The following MORC1 variants were observed in gnomAD, a reference collection of about 807,000 sequenced individuals.
The protein encoded by MORC1 is MORC family CW-type zinc finger protein 1.
MORC1 carries 59 observed loss-of-function variants against 134.9 expected under a neutral mutation model. That is an observed-to-expected ratio of 0.44 (90% CI 0.35 to 0.54). The LOEUF is 0.54. MORC1 is among the 20% of genes least tolerant of loss of function. The pLI is 0.00. For missense variants in MORC1, 947 were observed against 1,134.5 expected (o/e 0.83, Z 2.37); for synonymous variants, 395 against 391.7 (o/e 1.01, Z -0.10).
intron 4 of MORC1, chr3:109,101,488 G>A (rs1160857241): frequency 6.6e-6 from 1 of 152,214 alleles, no homozygotes; most frequent in Non-Finnish European, 1.5e-5. Context: ...AATACATGCT[G>A]AAGAATTGTC....
chr3:108,999,343 G>T (rs1185789978), intron 21 of MORC1, among the ~76,000 whole-genome samples: 1 of 152,168 alleles, frequency 6.6e-6, no homozygotes, highest in East Asian at 1.9e-4. Flanking sequence ...AATAATGGGG[G>T]CAGGGAGGGA....
intron 14 of MORC1, among the ~76,000 whole-genome samples, chr3:109,046,122 G>A (rs1949689066): frequency 6.6e-6 from 1 of 152,164 alleles, no homozygotes; most frequent in Admixed American, 6.5e-5. Flanking sequence ...GCATATAGAT[G>A]TATGAGGCAT....
chr3:108,981,150 G>A (rs1027620725), intron 23 of MORC1, among the ~76,000 whole-genome samples: 2 of 152,106 alleles, frequency 1.3e-5, no homozygotes, highest in Non-Finnish European at 2.9e-5. Flanking sequence ...ATGGAGCTGG[G>A]GAGGGCAGGT....
chr3:109,054,837 G>A lies in MORC1; in HGVS notation c.1221C>T (p.Val407=). The change falls in exon 14 of 28, where the codon GTC becomes GTT. Residue 407 remains valine, a synonymous_variant. Transcript: ENST00000232603. ...CCTGTTTATTATGGGATGGTTCCAT[G>A]ACCTCCAAGGGTATATTAACAATTC... is the stretch of plus-strand genomic sequence containing the variant. The part of the protein sequence containing the change: ...VVGIVNIPLE[V]MEPSHNKQEF... The A allele has an allele frequency of 6.2e-7, 1 of 1,607,428 alleles. No individual in the cohort carries two copies. The highest frequency in any genetic ancestry group is 8.5e-7 in the Non-Finnish European group (1 of 1,178,492).
chr3:109,092,848 C>A (rs180922972), intron 8 of MORC1, among the ~76,000 whole-genome samples: 1 of 152,254 alleles, frequency 6.6e-6, no homozygotes, highest in African/African-American at 2.4e-5. Context: ...TAAAAAACTG[C>A]AGGCTCGAGC....
At chr3:109,092,391 C>T (rs1454404455) in intron 8 of MORC1, among the ~76,000 whole-genome samples, 1 of 151,616 alleles carries the variant, frequency 6.6e-6, no homozygotes, top group African/African-American at 2.4e-5. Flanking sequence ...TTCTAAATTT[C>T]ACCTCATTGG....
chr3:108,970,498 G>A (rs1348146377), intron 25 of MORC1, among the ~76,000 whole-genome samples: 1 of 152,172 alleles, frequency 6.6e-6, no homozygotes, highest in Admixed American at 6.5e-5. Flanking sequence ...AGGATGAGGT[G>A]AGAGTAGAGG....
chr3:109,015,819 C>A (rs16855234), intron 17 of MORC1, among the ~76,000 whole-genome samples: 4,766 of 152,224 alleles, frequency 0.031, 234 homozygotes, highest in African/African-American at 0.11. Context: ...CATCATTTTC[C>A]ATCTTTGCAG....
chr3:108,965,962 GC>G (rs1224490758), intron 26 of MORC1, among the ~76,000 whole-genome samples: 1 of 152,120 alleles, frequency 6.6e-6, no homozygotes, highest in Non-Finnish European at 1.5e-5. Flanking sequence ...CTACAGGCCA[GC>G]CTTTTGGTTT....
intron 1 of MORC1, among the ~76,000 whole-genome samples, chr3:109,117,251 C>T (rs771724152): frequency 6.7e-6 from 1 of 150,068 alleles, no homozygotes; most frequent in Admixed American, 6.7e-5. Flanking sequence ...TTCTTTATAC[C>T]TCCATTTCTG....
At chr3:109,032,004 T>C (rs1395580932) in intron 16 of MORC1, among the ~76,000 whole-genome samples, 1 of 152,144 alleles carries the variant, frequency 6.6e-6, no homozygotes, top group African/African-American at 2.4e-5. Flanking sequence ...TTCCAAATGT[T>C]TTCTTTTTCT....
At chr3:108,963,653 A>G (rs1011643312) in intron 26 of MORC1, 45 bp from the exon 27 acceptor site, 9 of 1,269,522 alleles carry the variant, frequency 7.1e-6, no homozygotes, top group Non-Finnish European at 9.7e-6. Flanking sequence ...TTAAAATATT[A>G]CTTTCCCTCT....
chr3:109,065,928 A>T (rs1950185997), intron 9 of MORC1, among the ~76,000 whole-genome samples: 5 of 152,194 alleles, frequency 3.3e-5, no homozygotes, highest in Admixed American at 2.0e-4. Context: ...AAAAACAAGT[A>T]CCTCATAGTC....
intron 20 of MORC1, among the ~76,000 whole-genome samples, chr3:109,004,054 C>A (rs903861586): frequency 1.3e-5 from 2 of 151,956 alleles, no homozygotes; most frequent in Non-Finnish European, 2.9e-5. Flanking sequence ...GGCGACAGAG[C>A]GAGACTTCGT....
chr3:109,100,897 A>G (rs1263603428), intron 4 of MORC1, among the ~76,000 whole-genome samples: 1 of 152,216 alleles, frequency 6.6e-6, no homozygotes, highest in Non-Finnish European at 1.5e-5. Flanking sequence ...TTTAAAGTAT[A>G]CAGGAGGATA....
chr3:108,988,112 CT>C (rs1459848475), intron 21 of MORC1, among the ~76,000 whole-genome samples: 2 of 152,030 alleles, frequency 1.3e-5, no homozygotes, highest in East Asian at 3.9e-4. Flanking sequence ...TGTCAACTCT[CT>C]TTTTTTTCCC....
intron 24 of MORC1, among the ~76,000 whole-genome samples, chr3:108,973,525 CA>C (rs1275772421): frequency 5.3e-5 from 8 of 151,398 alleles, no homozygotes; most frequent in Non-Finnish European, 2.9e-5. Flanking sequence ...AAAATCTGAC[CA>C]AAAAGTTGGT....
At chr3:109,066,262 T>C (rs897004123) in intron 9 of MORC1, among the ~76,000 whole-genome samples, 2 of 151,968 alleles carry the variant, frequency 1.3e-5, no homozygotes, top group Non-Finnish European at 2.9e-5. Flanking sequence ...GTAAGCTCCA[T>C]GAGAGCAGGA....
intron 15 of MORC1, among the ~76,000 whole-genome samples, chr3:109,034,894 G>A (rs1432125536): frequency 2.0e-5 from 3 of 152,170 alleles, no homozygotes; most frequent in South Asian, 4.2e-4. Flanking sequence ...GACCACAGGT[G>A]TGCACTATCA....
Sources: allele counts gnomAD v4.1 joint callset (sites outside exome capture counted in the v4.1 genomes callset), GRCh38; gene constraint gnomAD v4.1.1; transcripts MANE v1.5; gene names NCBI Gene and HGNC (gene_info 2026-07-23, HGNC 2026-07-21).